The following CNTNAP3 variants were observed in gnomAD, a reference collection of about 807,000 sequenced individuals.
CNTNAP3 encodes the protein contactin-associated protein-like 3.
CNTNAP3 carries 36 observed loss-of-function variants against 92.1 expected under a neutral mutation model. That is an observed-to-expected ratio of 0.39 (90% CI 0.30 to 0.52). The LOEUF (loss-of-function observed/expected upper bound fraction) is 0.52, where lower values mean the gene tolerates loss of function less well. CNTNAP3 is among the 20% of genes least tolerant of loss of function. CNTNAP3 has a pLI of 0.76. For synonymous variants in CNTNAP3, 232 were observed against 422.3 expected (o/e 0.55, Z 5.53); for missense variants, 534 against 1,069.6 (o/e 0.50, Z 6.98).
intron 23 of CNTNAP3, among the ~76,000 whole-genome samples, chr9:39,076,684 C>T (rs1825775293): frequency 4.6e-5 from 7 of 152,300 alleles, no homozygotes. Context: ...ATTTCAATAA[C>T]TCGGCCGGGC....
At chr9:39,087,159 G>T (rs1360411455) in intron 19 of CNTNAP3, among the ~76,000 whole-genome samples, 1 of 152,114 alleles carries the variant, frequency 6.6e-6, no homozygotes, top group Non-Finnish European at 1.5e-5. Context: ...TTGGAACTCA[G>T]ATCTAAATTC....
intron 13 of CNTNAP3, among the ~76,000 whole-genome samples, chr9:39,129,021 T>G (rs938188455): frequency 2.0e-5 from 3 of 152,126 alleles, no homozygotes; most frequent in Non-Finnish European, 1.5e-5. Context: ...GAAAGATATC[T>G]CATGTTCATG....
intron 14 of CNTNAP3, among the ~76,000 whole-genome samples, chr9:39,115,593 CA>C (rs2117948061): frequency 6.7e-6 from 1 of 149,204 alleles, no homozygotes; most frequent in Non-Finnish European, 1.5e-5. Flanking sequence ...CTGGAAGCTG[CA>C]AAGTAAATAA....
At position 39,078,403 on chromosome 9, in the gene CNTNAP3, C is replaced by T. The variant is rs1825838984; in HGVS notation, c.3727G>A (p.Asp1243Asn). Residue 1243 changes from aspartate to asparagine, a missense_variant, in exon 23 of 24, where the codon GAC becomes AAC. Physicochemically the swap from Asp to Asn is conservative, Grantham distance 23. Coordinates refer to ENST00000297668, the MANE Select transcript of CNTNAP3 (RefSeq NM_033655.5). The part of the protein sequence containing the change: ...GEPLVNADRR[D>N]SAVIGGVIAV... ...TTGTTACCTCCGATGACAGCAGAGT[C>T]TCTTCTGTCTGCATTAACCAAGGGC... is the stretch of plus-strand genomic sequence containing the variant. 1 of 1,612,120 alleles carries T rather than the reference C, an allele frequency of 6.2e-7. No individual in the cohort carries two copies. The highest frequency in any genetic ancestry group is 2.2e-5 in the East Asian group (1 of 44,890).
At chr9:39,134,020 A>G (rs1191387923) in intron 12 of CNTNAP3, among the ~76,000 whole-genome samples, 1 of 152,220 alleles carries the variant, frequency 6.6e-6, no homozygotes, top group Non-Finnish European at 1.5e-5. Flanking sequence ...AAACAAAACA[A>G]TGTGATACAT....
chr9:39,115,347 T>A (rs1369154784), intron 14 of CNTNAP3, among the ~76,000 whole-genome samples: 1 of 152,094 alleles, frequency 6.6e-6, no homozygotes, highest in Non-Finnish European at 1.5e-5. Flanking sequence ...AGATTTATGT[T>A]CTTATGTCTA....
intron 18 of CNTNAP3, among the ~76,000 whole-genome samples, chr9:39,090,315 T>C (rs1231177316): frequency 3.3e-5 from 5 of 152,218 alleles, no homozygotes; most frequent in Non-Finnish European, 1.5e-5. Flanking sequence ...CAATACTTTC[T>C]TCCATTCTGT....
intron 13 of CNTNAP3, among the ~76,000 whole-genome samples, chr9:39,128,731 A>G (rs1821206792): frequency 6.6e-6 from 1 of 151,948 alleles, no homozygotes; most frequent in Non-Finnish European, 1.5e-5. Context: ...CGAGGCAGAA[A>G]TAAAGCTGAC....
chr9:39,119,801 G>A (rs1820963377), intron 13 of CNTNAP3, among the ~76,000 whole-genome samples: 1 of 152,054 alleles, frequency 6.6e-6, no homozygotes, highest in Non-Finnish European at 1.5e-5. Context: ...TAGGACCCCA[G>A]GACTGGAAGA....
chr9:39,097,142 A>T (rs1481879270), intron 18 of CNTNAP3, among the ~76,000 whole-genome samples: 3 of 151,874 alleles, frequency 2.0e-5, no homozygotes, highest in Admixed American at 2.0e-4. Context: ...TCTCTGTTAA[A>T]CTTCCCTGGC....
intron 12 of CNTNAP3, among the ~76,000 whole-genome samples, chr9:39,138,166 A>G (rs1821487906): frequency 6.6e-6 from 1 of 152,116 alleles, no homozygotes; most frequent in Non-Finnish European, 1.5e-5. Context: ...TAATAGGATT[A>G]TAGGTCCAGC....
At chr9:39,112,258 G>C (rs919180638) in intron 14 of CNTNAP3, among the ~76,000 whole-genome samples, 6 of 151,936 alleles carry the variant, frequency 3.9e-5, no homozygotes, top group African/African-American at 1.5e-4. Flanking sequence ...ACTTCTAAAA[G>C]CTACTACTTA....
chr9:39,073,829 T>G lies in CNTNAP3; in HGVS notation c.*61A>C. Reference sequence around the variant, plus strand: ...CAGCCACAGCTGCCAATCAGAAGACTCGCTCTTTCTGGTTTTCATGGACTG... The same window carrying G: ...CAGCCACAGCTGCCAATCAGAAGACGCGCTCTTTCTGGTTTTCATGGACTG... On this transcript the variant is annotated 3_prime_UTR_variant, in exon 24 of 24. Coordinates refer to ENST00000297668, the MANE Select transcript of CNTNAP3 (RefSeq NM_033655.5). 1 of 1,596,574 alleles carries G rather than the reference T, an allele frequency of 6.3e-7. No homozygotes were observed. Among genetic ancestry groups the G allele is most frequent in the African/African-American group, 1.3e-5 (1 of 75,012 alleles).
At chr9:39,134,448 A>G (rs898608172) in intron 12 of CNTNAP3, among the ~76,000 whole-genome samples, 2 of 151,238 alleles carry the variant, frequency 1.3e-5, no homozygotes, top group Admixed American at 1.3e-4. Context: ...TTTTGAGATA[A>G]GAGTCTCGCT....
intron 18 of CNTNAP3, among the ~76,000 whole-genome samples, chr9:39,099,520 A>G (rs1190629223): frequency 6.6e-6 from 1 of 152,208 alleles, no homozygotes; most frequent in East Asian, 1.9e-4. Flanking sequence ...GTTCAAGTCC[A>G]GCCTGGGCAA....
intron 10 of CNTNAP3, among the ~76,000 whole-genome samples, chr9:39,149,192 T>A (rs866541006): frequency 1.7e-4 from 26 of 152,280 alleles, no homozygotes; most frequent in African/African-American, 6.0e-4. Flanking sequence ...TGGAAAAACA[T>A]CATCCAACTG....
chr9:39,117,465 T>C lies in CNTNAP3; in HGVS notation c.2237+638A>G, dbSNP rs180959772. ...AAAAAGAACTTCTGAAAAAAAGGCA[T>C]TGCAATCTACATGAGAAAATTGTTT... On this transcript the variant is annotated intron_variant, in intron 14 of 23. Coordinates refer to ENST00000297668, the MANE Select transcript of CNTNAP3 (RefSeq NM_033655.5). Among the ~76,000 whole-genome samples, 18 of 152,282 alleles carry C rather than the reference T, an allele frequency of 1.2e-4. No individual in the cohort carries two copies. In the East Asian group the frequency reaches 3.3e-3, roughly 28 times the overall value.
intron 18 of CNTNAP3, among the ~76,000 whole-genome samples, chr9:39,091,814 T>G (rs1289049690): frequency 6.6e-6 from 1 of 151,882 alleles, no homozygotes; most frequent in Non-Finnish European, 1.5e-5. Context: ...AAATAGTTGA[T>G]ATATTCTGAT....
rs568297586 is a variant in CNTNAP3 at position 39,118,192 on chromosome 9, C to T, written c.2148G>A (p.Leu716=). Residue 716 remains leucine (L), a synonymous_variant, in exon 14 of 24, where the codon CTG becomes CTA. Coordinates refer to ENST00000297668, the MANE Select transcript of CNTNAP3 (RefSeq NM_033655.5). ...CACAAGTACACTTTTGAGCATCAGG[C>T]AGAGAACCTCCCCAGGAAGTGTGTG... ...NETHTSWGGS[L]PDAQKCTCGL... is the part of the protein sequence containing the mutation. 9.9e-5 allele frequency: 159 copies of T among 1,611,720 alleles called. No individual in the cohort carries two copies. In the East Asian group the frequency reaches 3.5e-3, roughly 35 times the overall value.
Sources: allele counts gnomAD v4.1 joint callset (sites outside exome capture counted in the v4.1 genomes callset), GRCh38; gene constraint gnomAD v4.1.1; transcripts MANE v1.5; gene names NCBI Gene and HGNC (gene_info 2026-07-23, HGNC 2026-07-21).